The following VAMP7 variants were observed in gnomAD, a reference collection of about 807,000 sequenced individuals.
VAMP7 encodes the protein vesicle associated membrane protein 7, also known as vesicle-associated membrane protein 7.
A neutral mutation model predicts 29.6 loss-of-function variants in VAMP7; 14 were observed. The ratio of observed to expected loss-of-function variants is 0.47; its 90% confidence interval spans 0.31 to 0.74. The LOEUF (loss-of-function observed/expected upper bound fraction) is 0.74, where lower values mean the gene tolerates loss of function less well. Ranked by LOEUF, VAMP7 falls within the 30% of genes least tolerant of loss-of-function variation. The pLI is 0.05. For missense variants in VAMP7, 223 were observed against 262.4 expected, an observed-to-expected ratio of 0.85 and a Z score of 1.04; for synonymous variants, 95 against 88.1, an observed-to-expected ratio of 1.08 and a Z score of -0.44.
At chrX:155,940,019 C>G (rs1347660542) in intron 7 of VAMP7, among the ~76,000 whole-genome samples, 1 of 151,972 alleles carries the variant, frequency 6.6e-6, no homozygotes, top group African/African-American at 2.4e-5. Flanking sequence ...AGGAAGAGAT[C>G]TATAAAACTG....
intron 7 of VAMP7, among the ~76,000 whole-genome samples, chrX:155,941,052 T>C (rs6642255): frequency 0.6 from 91,546 of 151,952 alleles, 27,662 homozygotes; most frequent in East Asian, 0.67. Flanking sequence ...GGCTTATGCC[T>C]GTAATCCCAG....
At chrX:155,928,108 G>C (rs2066497572) in intron 6 of VAMP7, among the ~76,000 whole-genome samples, 1 of 151,832 alleles carries the variant, frequency 6.6e-6, no homozygotes, top group African/African-American at 2.4e-5. Flanking sequence ...ATTTTTCTTA[G>C]AGACGGGTCT....
intron 1 of VAMP7, among the ~76,000 whole-genome samples, chrX:155,888,337 C>T (rs1271252385): frequency 6.6e-6 from 1 of 152,140 alleles, no homozygotes; most frequent in Non-Finnish European, 1.5e-5. Context: ...GATTCCAGGG[C>T]CCTACCTCAG....
intron 5 of VAMP7, among the ~76,000 whole-genome samples, chrX:155,914,530 C>A (rs2066283534): frequency 6.6e-6 from 1 of 152,108 alleles, no homozygotes; most frequent in Non-Finnish European, 1.5e-5. Flanking sequence ...TTTTGAGATG[C>A]ATTCCATCAA....
rs531998416 is a variant in VAMP7, at chrX:155,927,481, C to CAAAAA, written c.501+7624_501+7628dup. 9.3e-4 allele frequency among the ~76,000 whole-genome samples: 104 copies of CAAAAA among 111,588 alleles called. 1 individual carries two copies. The highest frequency in any genetic ancestry group is 3.2e-3 in the African/African-American group (99 of 30,612). 73.2% of individuals were successfully genotyped at this position (111,588 alleles called of 152,430 possible). On this transcript the variant is annotated intron_variant, in intron 6 of 7. Transcript: ENST00000286448. ...GGGTTTCCACAGACCTTCGATTTGCCAAAAAAAAAAAAAAAAAAAAAAAAA... is the reference window on the plus strand; with the variant it reads ...GGGTTTCCACAGACCTTCGATTTGCCAAAAAAAAAAAAAAAAAAAAAAAAAAAAAA...
At chrX:155,912,904 TTTC>T (rs1204367181) in intron 5 of VAMP7, among the ~76,000 whole-genome samples, 1 of 152,178 alleles carries the variant, frequency 6.6e-6, no homozygotes, top group Non-Finnish European at 1.5e-5. Context: ...TCAAATGGTA[TTTC>T]TGGTTCTAGA....
rs746213158 is a variant in VAMP7 at position 155,908,341 on chromosome X, G to A, written c.433+7754G>A. ...GGAGGCCGAGGCTGGCGGATCACTC[G>A]CGGTTAGCAGCTGGAGACCAGCCCG... On this transcript the variant is annotated intron_variant, in intron 5 of 7. Transcript: ENST00000286448. Among the ~76,000 whole-genome samples, 7 of 152,334 alleles carry A rather than the reference G, an allele frequency of 4.6e-5. No individual in the cohort carries two copies. The South Asian group carries it at 6.2e-4, about 14-fold the overall frequency.
intron 5 of VAMP7, among the ~76,000 whole-genome samples, chrX:155,901,280 T>G (rs1453260467): frequency 6.6e-6 from 1 of 152,076 alleles, no homozygotes; most frequent in Non-Finnish European, 1.5e-5. Flanking sequence ...AGTGATTTCC[T>G]TTAATTGATT....
chrX:155,939,823 T>C (rs773207611), intron 7 of VAMP7, 30 bp downstream of exon 7: 1 of 1,523,600 alleles, frequency 6.6e-7, no homozygotes, highest in Non-Finnish European at 9.1e-7. Context: ...GTGTATGGCT[T>C]TATTTTTCAA....
intron 6 of VAMP7, among the ~76,000 whole-genome samples, chrX:155,935,574 C>A (rs773967038): frequency 6.6e-6 from 1 of 152,092 alleles, no homozygotes; most frequent in Non-Finnish European, 1.5e-5. Flanking sequence ...GACTTGTCTA[C>A]ATTGGTTATT....
rs200207782 is a variant in VAMP7 at position 155,889,549 on chromosome X, T to C, written c.83T>C (p.Val28Ala). 2.5e-6 allele frequency: 4 copies of C among 1,613,870 alleles called. No homozygotes were observed. The African/African-American group carries it at 5.3e-5, about 22-fold the overall frequency. Residue 28 changes from valine to alanine, a missense_variant, in exon 2 of 8, where the codon GTG (valine) becomes GCG (alanine). By Grantham distance (64) the Val-to-Ala change is moderately conservative. Coordinates refer to ENST00000286448, the MANE Select transcript of VAMP7 (RefSeq NM_005638.6). ...HAWCGGNFLEVTEQILAKIPS... is the reference protein window; with the variant it reads ...HAWCGGNFLEATEQILAKIPS... ...TGGTGTGGAGGAAACTTCCTGGAGG[T>C]GACAGAGCAGATTCTGGCTAAGATA...
chrX:155,886,599 A>T lies in VAMP7; in HGVS notation c.-9-2859A>T, dbSNP rs1034967613. Among the ~76,000 whole-genome samples, 3 of 152,206 alleles carry T rather than the reference A, an allele frequency of 2.0e-5. No homozygotes were observed. In the South Asian group the frequency reaches 6.2e-4, roughly 32 times the overall value. On this transcript the variant is annotated intron_variant, in intron 1 of 7. Transcript: ENST00000286448. The stretch of plus-strand genomic sequence containing the variant: ...CTAAGTCCTCTCTTTCTCATGTTAC[A>T]TATCTCTAGTTCCTCCAGCCAGTCT...
At chrX:155,933,858 C>T (rs982443253) in intron 6 of VAMP7, among the ~76,000 whole-genome samples, 1 of 152,164 alleles carries the variant, frequency 6.6e-6, no homozygotes, top group Non-Finnish European at 1.5e-5. Context: ...TTTCCCTCTA[C>T]ACACTGCTTT....
At chrX:155,933,976 G>C (rs1322685430) in intron 6 of VAMP7, among the ~76,000 whole-genome samples, 4 of 152,170 alleles carry the variant, frequency 2.6e-5, no homozygotes, top group Non-Finnish European at 5.9e-5. Context: ...TCATTCAGGA[G>C]CAGGTTGTTC....
At chrX:155,900,214 C>A (rs992020362) in intron 4 of VAMP7, among the ~76,000 whole-genome samples, 4 of 151,842 alleles carry the variant, frequency 2.6e-5, no homozygotes, top group Non-Finnish European at 5.9e-5. Flanking sequence ...ATCTCTGCCC[C>A]ACAAGTCACA....
Position 155,943,586 on chromosome X carries a change from A to C in VAMP7, c.*1635A>C, listed in dbSNP as rs1324918797. ...CCAAATGTTTTTAATCCAAAGAAAA[A>C]GGTTTAAAGCTTATTTCCCTTTCTT... On this transcript the variant is annotated 3_prime_UTR_variant, in exon 8 of 8. Coordinates refer to ENST00000286448, the MANE Select transcript of VAMP7 (RefSeq NM_005638.6). 6.6e-6 allele frequency: 1 copy of C among 152,156 alleles called. No homozygotes were observed. Among genetic ancestry groups the C allele is most frequent in the African/African-American group, 2.4e-5 (1 of 41,438 alleles). The allele number at this position is 152,156 out of a possible 1,614,324, so 9.4% of individuals were successfully genotyped here.
intron 6 of VAMP7, among the ~76,000 whole-genome samples, chrX:155,937,954 A>T (rs1603025589): frequency 6.6e-6 from 1 of 152,200 alleles, no homozygotes; most frequent in African/African-American, 2.4e-5. Flanking sequence ...TTGAATTGTT[A>T]CTGCAGAAGC....
intron 5 of VAMP7, among the ~76,000 whole-genome samples, chrX:155,906,553 C>T (rs1187981259): frequency 2.0e-5 from 3 of 152,068 alleles, no homozygotes; most frequent in South Asian, 2.1e-4. Context: ...TCCTTCTTGC[C>T]TTGTTCCTAA....
chrX:155,924,511 G>A (rs1175494183), intron 6 of VAMP7, among the ~76,000 whole-genome samples: 9 of 151,964 alleles, frequency 5.9e-5, no homozygotes, highest in Admixed American at 1.3e-4. Flanking sequence ...GAATTTGCCT[G>A]TTCTAGATAT....
Sources: allele counts gnomAD v4.1 joint callset (sites outside exome capture counted in the v4.1 genomes callset), GRCh38; gene constraint gnomAD v4.1.1; transcripts MANE v1.5; gene names NCBI Gene and HGNC (gene_info 2026-07-23, HGNC 2026-07-21).